The following GMDS variants were observed in gnomAD, a reference collection of about 807,000 sequenced individuals.
The protein encoded by GMDS is GDP-mannose 4,6 dehydratase.
GMDS carries 20 observed loss-of-function variants against 49.9 expected under a neutral mutation model. The ratio of observed to expected loss-of-function variants is 0.40; its 90% CI spans 0.28 to 0.58. The LOEUF (loss-of-function observed/expected upper bound fraction) is 0.58, where lower values mean the gene tolerates loss of function less well. Ranked by LOEUF, GMDS falls within the 20% of genes least tolerant of loss-of-function variation. The pLI is 0.42. For synonymous variants in GMDS, 177 were observed against 178.6 expected, an observed-to-expected ratio of 0.99 and a Z score of 0.07; for missense variants, 362 against 481.4, an observed-to-expected ratio of 0.75 and a Z score of 2.32.
chr6:1,744,512 G>A (rs1178165479), intron 7 of GMDS, among the ~76,000 whole-genome samples: 1 of 152,100 alleles, frequency 6.6e-6, no homozygotes, highest in African/African-American at 2.4e-5. Flanking sequence ...AATACAAGTT[G>A]TTCACTGTTT....
At chr6:1,855,621 T>G (rs1757906704) in intron 7 of GMDS, among the ~76,000 whole-genome samples, 1 of 152,024 alleles carries the variant, frequency 6.6e-6, no homozygotes, top group Admixed American at 6.5e-5. Context: ...GAAAAAGAAC[T>G]CAAAGATCCA....
rs752059609 is a variant in GMDS, at chr6:1,962,708, G to A, written c.346-1742C>T. On this transcript the variant is annotated intron_variant, in intron 4 of 10. Transcript: ENST00000380815. The stretch of plus-strand genomic sequence containing the variant: ...TTTGTAGAAATGTGTATTTGAATCC[G>A]TTAGCCATTTTTAAATTGGGTCATT... Among the ~76,000 whole-genome samples the A allele has an allele frequency of 1.1e-4, 17 of 151,790 alleles. 1 individual carries two copies. The highest frequency in any genetic ancestry group is 5.9e-4 in the Admixed American group (9 of 15,244).
At chr6:1,942,785 A>G (rs1400470560) in intron 6 of GMDS, among the ~76,000 whole-genome samples, 1 of 152,236 alleles carries the variant, frequency 6.6e-6, no homozygotes, top group African/African-American at 2.4e-5. Context: ...ACACCCATAC[A>G]GCGCTATCTT....
At chr6:1,783,830 C>G (rs1172585594) in intron 7 of GMDS, among the ~76,000 whole-genome samples, 1 of 152,120 alleles carries the variant, frequency 6.6e-6, no homozygotes, top group Non-Finnish European at 1.5e-5. Context: ...TACTAAAAGG[C>G]CATGAGGCTC....
At chr6:2,078,409 A>G (rs1269449552) in intron 4 of GMDS, among the ~76,000 whole-genome samples, 1 of 152,096 alleles carries the variant, frequency 6.6e-6, no homozygotes, top group Non-Finnish European at 1.5e-5. Context: ...ATTTATTGCT[A>G]TAAACTTCAT....
chr6:2,007,078 C>G (rs1767234836), intron 4 of GMDS, among the ~76,000 whole-genome samples: 1 of 152,126 alleles, frequency 6.6e-6, no homozygotes, highest in Non-Finnish European at 1.5e-5. Flanking sequence ...ACAAATTACT[C>G]TAGAAAACAC....
At chr6:1,770,472 C>G (rs781264657) in intron 7 of GMDS, among the ~76,000 whole-genome samples, 1 of 151,574 alleles carries the variant, frequency 6.6e-6, no homozygotes, top group Non-Finnish European at 1.5e-5. Flanking sequence ...AGGGTGAAGC[C>G]ACAGACACCA....
intron 4 of GMDS, among the ~76,000 whole-genome samples, chr6:1,963,620 C>T (rs1764095972): frequency 6.6e-6 from 1 of 152,084 alleles, no homozygotes; most frequent in Non-Finnish European, 1.5e-5. Flanking sequence ...TGTCCCAGCA[C>T]CATTTGTTGA....
intron 6 of GMDS, among the ~76,000 whole-genome samples, chr6:1,958,189 C>T (rs2127293172): frequency 6.7e-6 from 1 of 149,182 alleles, no homozygotes; most frequent in East Asian, 2.0e-4. Flanking sequence ...AGGAGGTACA[C>T]AAAGAGAGAA....
chr6:2,217,062 C>T lies in GMDS; in HGVS notation c.102+28259G>A, dbSNP rs992695417. Among the ~76,000 whole-genome samples the T allele has an allele frequency of 3.3e-5, 5 of 152,176 alleles. No homozygotes were observed. The East Asian group carries it at 7.7e-4, about 23-fold the overall frequency. On this transcript the variant is annotated intron_variant, in intron 1 of 10. Transcript: ENST00000380815. ...GCTTCAGCCGCCCACCTGGCCTGAGCGCTCAGCACGTGGACTCGAGCTGGC... is the reference window on the plus strand; with the variant it reads ...GCTTCAGCCGCCCACCTGGCCTGAGTGCTCAGCACGTGGACTCGAGCTGGC...
chr6:1,692,205 G>A (rs181479781), intron 9 of GMDS, among the ~76,000 whole-genome samples: 11 of 152,318 alleles, frequency 7.2e-5, no homozygotes, highest in East Asian at 1.9e-4. Flanking sequence ...TTGGGCCTTC[G>A]GCCACAGACT....
At chr6:1,992,386 C>G (rs1561953784) in intron 4 of GMDS, among the ~76,000 whole-genome samples, 1 of 152,212 alleles carries the variant, frequency 6.6e-6, no homozygotes, top group Non-Finnish European at 1.5e-5. Context: ...TCCCCTTCTT[C>G]AGGCTAACCT....
intron 9 of GMDS, chr6:1,625,447 C>T (rs1458936549): frequency 6.6e-6 from 1 of 152,300 alleles, no homozygotes; most frequent in Non-Finnish European, 1.5e-5. Flanking sequence ...GCCACCGTCC[C>T]CTCTGGCAGT....
intron 4 of GMDS, among the ~76,000 whole-genome samples, chr6:2,105,213 C>T (rs974265267): frequency 1.4e-5 from 2 of 147,440 alleles, no homozygotes; most frequent in African/African-American, 5.0e-5. Context: ...AAGAAATGAT[C>T]ACTAAACCAA....
intron 5 of GMDS, 84 bp downstream of exon 5, chr6:1,960,690 G>A: frequency 1.2e-6 from 1 of 865,378 alleles, no homozygotes; most frequent in East Asian, 2.4e-5. Flanking sequence ...TGTGAGACAT[G>A]AACAGAATGA....
intron 4 of GMDS, among the ~76,000 whole-genome samples, chr6:2,000,104 A>T (rs1766701588): frequency 8.8e-6 from 1 of 113,970 alleles, no homozygotes; most frequent in African/African-American, 3.4e-5. Context: ...GCATGATCTC[A>T]GCTCACTGCA....
rs113169479 is a variant in GMDS, at chr6:2,085,605, C to T, written c.345+30166G>A. The stretch of plus-strand genomic sequence containing the variant: ...AGTGCAGTGTCACTATCTCAGCTCA[C>T]TGTAGCCTCAACATTTTGGGCTCAA... On this transcript the variant is annotated intron_variant, in intron 4 of 10. Transcript: ENST00000380815. Among the ~76,000 whole-genome samples the T allele has an allele frequency of 1.4e-4, 21 of 152,238 alleles. 1 individual carries two copies. The highest frequency in any genetic ancestry group is 4.8e-4 in the African/African-American group (20 of 41,536).
intron 4 of GMDS, among the ~76,000 whole-genome samples, chr6:2,114,968 CAAACA>C (rs1235511872): frequency 2.0e-5 from 3 of 148,778 alleles, no homozygotes; most frequent in East Asian, 2.0e-4. Context: ...AACAAACAAA[CAAACA>C]AAAAAAAACC....
intron 6 of GMDS, among the ~76,000 whole-genome samples, chr6:1,932,842 T>C (rs1447074017): frequency 2.0e-5 from 3 of 152,234 alleles, no homozygotes; most frequent in East Asian, 3.8e-4. Context: ...CCGCTCAAAA[T>C]GTAATTTTAA....
Sources: allele counts gnomAD v4.1 joint callset (sites outside exome capture counted in the v4.1 genomes callset), GRCh38; gene constraint gnomAD v4.1.1; transcripts MANE v1.5; gene names NCBI Gene and HGNC (gene_info 2026-07-23, HGNC 2026-07-21).